SPPL2C: variants seen among roughly 807,000 people sequenced by gnomAD.
SPPL2C encodes the protein signal peptide peptidase like 2C.
Under a neutral mutation model 38.8 loss-of-function variants are expected in SPPL2C, and 33 were observed. That is an observed-to-expected ratio of 0.85 (90% CI 0.64 to 1.14). SPPL2C has a LOEUF of 1.14. SPPL2C is among the 50% of genes most tolerant of loss of function. SPPL2C has a pLI of 0.00. For missense variants in SPPL2C, 899 were observed against 904.4 expected (o/e 0.99, Z 0.08); for synonymous variants, 384 against 390.7 (o/e 0.98, Z 0.20).
chr17:45,846,096 C>G lies in SPPL2C; in HGVS notation c.1190C>G (p.Thr397Ser). ...TTTGTCTTCGTCACCCCCTTCTTCACCAAAACCGGTGAGAGCATCATGGCG... is the reference window on the plus strand; with the variant it reads ...TTTGTCTTCGTCACCCCCTTCTTCAGCAAAACCGGTGAGAGCATCATGGCG... ...VFFVFVTPFF[T>S]KTGESIMAQV... The change falls in exon 1 of 1, where the codon ACC becomes AGC. Residue 397 changes from threonine (T) to serine (S), a missense_variant. Physicochemically the swap from Thr to Ser is moderately conservative, Grantham distance 58. Coordinates refer to ENST00000329196, the MANE Select transcript of SPPL2C (RefSeq NM_175882.3). The G allele has an allele frequency of 6.2e-7, 1 of 1,614,214 alleles. No individual in the cohort carries two copies. The highest frequency in any genetic ancestry group is 8.5e-7 in the Non-Finnish European group (1 of 1,180,036).
At position 45,846,806 on chromosome 17, in the gene SPPL2C, C is replaced by T; in HGVS notation, c.1900C>T (p.Leu634=). The T allele has an allele frequency of 6.2e-7, 1 of 1,614,082 alleles. No homozygotes were observed. The highest frequency in any genetic ancestry group is 8.5e-7 in the Non-Finnish European group (1 of 1,179,998). The change falls in exon 1 of 1, where the codon CTG becomes TTG. Residue 634 remains leucine (L), a synonymous_variant. Coordinates refer to ENST00000329196, the MANE Select transcript of SPPL2C (RefSeq NM_175882.3). ...ELMPLMPMAM[L]IPLMPLMPPP... is the part of the protein sequence containing the mutation. ...GATGCCACTGATGCCAATGGCCATGCTGATCCCACTCATGCCCCTGATGCC... is the reference window on the plus strand; with the variant it reads ...GATGCCACTGATGCCAATGGCCATGTTGATCCCACTCATGCCCCTGATGCC...
In SPPL2C at chr17:45,845,856, G is replaced by C; in HGVS notation, c.950G>C (p.Trp317Ser). 6.2e-7 allele frequency: 1 copy of C among 1,605,834 alleles called. No homozygotes were observed. The highest frequency in any genetic ancestry group is 8.5e-7 in the Non-Finnish European group (1 of 1,179,988). The change falls in exon 1 of 1, where the codon TGG becomes TCG. Residue 317 changes from tryptophan (W) to serine (S), a missense_variant. Trp to Ser is a radical substitution (Grantham distance 177, BLOSUM62 -3). Coordinates refer to ENST00000329196, the MANE Select transcript of SPPL2C (RefSeq NM_175882.3). ...TACCAGAGGCCTCCGCACAGCCTCTGGGCCTCTCTGCCGCTGCCTCTGCTG... is the reference window on the plus strand; with the variant it reads ...TACCAGAGGCCTCCGCACAGCCTCTCGGCCTCTCTGCCGCTGCCTCTGCTG... Reference protein sequence around the residue: ...RQYQRPPHSLWASLPLPLLLL... With the variant: ...RQYQRPPHSLSASLPLPLLLL...
chr17:45,846,848 G>T lies in SPPL2C; in HGVS notation c.1942G>T (p.Gly648Cys). The change falls in exon 1 of 1, where the codon GGC becomes TGC. Residue 648 changes from glycine to cysteine, a missense_variant. Transcript: ENST00000329196. ...CCTGATGCCCCCGCCCTCAGAGCTG[G>T]GCCATGTCCATGCCCAGGCCCAGGC... ...MPLMPPPSEL[G>C]HVHAQAQAHE... The T allele has an allele frequency of 1.2e-6, 2 of 1,613,730 alleles. No homozygotes were observed. Among genetic ancestry groups the T allele is most frequent in the Non-Finnish European group, 1.7e-6 (2 of 1,179,952 alleles).
chr17:45,845,911 C>G lies in SPPL2C; in HGVS notation c.1005C>G (p.Ile335Met). 1 of 1,607,504 alleles carries G rather than the reference C, an allele frequency of 6.2e-7. No individual in the cohort carries two copies. Among genetic ancestry groups the G allele is most frequent in the Non-Finnish European group, 8.5e-7 (1 of 1,179,986 alleles). The change falls in exon 1 of 1, where the codon ATC (isoleucine) becomes ATG (methionine). Residue 335 changes from isoleucine (I) to methionine (M), a missense_variant. Physicochemically the swap from Ile to Met is conservative, Grantham distance 10. Transcript: ENST00000329196. ...TGGCGAGCCTGTGCGCAACCGTGAT[C>G]ATCTTCTGGGTGGCCTACCGCAATG... ...LLLASLCATVIIFWVAYRNED... is the reference protein window; with the variant it reads ...LLLASLCATVMIFWVAYRNED...
At position 45,846,476 on chromosome 17, in the gene SPPL2C, C is replaced by G; in HGVS notation, c.1570C>G (p.Leu524Val). Residue 524 changes from leucine (L) to valine (V), a missense_variant, in exon 1 of 1, where the codon CTC (leucine) becomes GTC (valine). Leu to Val is a conservative substitution (Grantham distance 32). Transcript: ENST00000329196. Reference protein sequence around the residue: ...AVAACRQELSLFWTGQGRAKM... With the variant: ...AVAACRQELSVFWTGQGRAKM... Reference sequence around the variant, plus strand: ...GGCTGCCTGCCGCCAAGAGCTCAGCCTCTTCTGGACTGGCCAGGGCAGAGC... The same window carrying G: ...GGCTGCCTGCCGCCAAGAGCTCAGCGTCTTCTGGACTGGCCAGGGCAGAGC... 2 of 1,612,864 alleles carry G rather than the reference C, an allele frequency of 1.2e-6. No homozygotes were observed. The highest frequency in any genetic ancestry group is 2.2e-5 in the South Asian group (2 of 91,092).
In SPPL2C at chr17:45,847,000, T is replaced by C; in HGVS notation, c.*39T>C. ...GGACACACGCCTCTCAAAGGGCTGG[T>C]GGAACATTGCAGAGCAAAGCCATGC... is the stretch of plus-strand genomic sequence containing the variant. On this transcript the variant is annotated 3_prime_UTR_variant, in exon 1 of 1. Transcript: ENST00000329196. The C allele has an allele frequency of 6.6e-7, 1 of 1,508,138 alleles. No individual in the cohort carries two copies. Among genetic ancestry groups the C allele is most frequent in the Non-Finnish European group, 8.8e-7 (1 of 1,133,602 alleles). 93.4% of individuals were successfully genotyped at this position (1,508,138 alleles called of 1,614,324 possible). A position where few individuals can be genotyped will look rare whatever the true frequency, so the allele number is the denominator to read the frequency against.
At position 45,846,947 on chromosome 17, in the gene SPPL2C, C is replaced by T. The variant is rs778787791; in HGVS notation, c.2041C>T (p.Gln681Ter). 1.3e-6 allele frequency: 2 copies of T among 1,565,742 alleles called. No individual in the cohort carries two copies. Among genetic ancestry groups the T allele is most frequent in the Non-Finnish European group, 1.7e-6 (2 of 1,157,686 alleles). Reference protein sequence around the residue: ...GLKVRKSMSTQAPL With the variant: ...GLKVRKSMST ...GAAAGTAAGAAAGAGCATGTCGACC[C>T]AGGCTCCCTTGTGAACTGGAGGCAC... The change falls in exon 1 of 1, where the codon CAG (glutamine) becomes TAG (stop). Residue 681 changes from glutamine to a stop codon, truncating the protein, a stop_gained. Coordinates refer to ENST00000329196, the MANE Select transcript of SPPL2C (RefSeq NM_175882.3). LOFTEE classifies it high-confidence loss of function.
In SPPL2C at chr17:45,845,057, C is replaced by CCG; in HGVS notation, c.151_152insCG (p.Arg51ProfsTer48). ...CAGCTCCGACTACATCACCCTCCCC[C>CCG]GGGACCTGCACCACGCCCCACTCCT... is the stretch of plus-strand genomic sequence containing the variant. On this transcript the variant is annotated frameshift_variant, in exon 1 of 1. Coordinates refer to ENST00000329196, the MANE Select transcript of SPPL2C (RefSeq NM_175882.3). LOFTEE classifies it high-confidence loss of function. The CCG allele has an allele frequency of 6.2e-7, 1 of 1,614,152 alleles. No individual in the cohort carries two copies. Among genetic ancestry groups the CCG allele is most frequent in the Non-Finnish European group, 8.5e-7 (1 of 1,179,996 alleles).
In SPPL2C at chr17:45,846,448, T is replaced by C. The variant is rs1271545080; in HGVS notation, c.1542T>C (p.Ala514=). The C allele has an allele frequency of 1.3e-5, 21 of 1,612,878 alleles. No homozygotes were observed. Among genetic ancestry groups the C allele is most frequent in the Non-Finnish European group, 1.8e-5 (21 of 1,180,042 alleles). The stretch of plus-strand genomic sequence containing the variant: ...CCAGCACCCTGCTCACCAGCCTGGC[T>C]GTGGCTGCCTGCCGCCAAGAGCTCA... ...LVSSTLLTSL[A]VAACRQELSL... Residue 514 remains alanine, a synonymous_variant, in exon 1 of 1, where the codon GCT becomes GCC. Coordinates refer to ENST00000329196, the MANE Select transcript of SPPL2C (RefSeq NM_175882.3).
At position 45,846,409 on chromosome 17, in the gene SPPL2C, G is replaced by T. The variant is rs902465528; in HGVS notation, c.1503G>T (p.Leu501Phe). Residue 501 changes from leucine (L) to phenylalanine (F), a missense_variant, in exon 1 of 1, where the codon TTG (leucine) becomes TTT (phenylalanine). Coordinates refer to ENST00000329196, the MANE Select transcript of SPPL2C (RefSeq NM_175882.3). The stretch of plus-strand genomic sequence containing the variant: ...TCATGCAGATGGGCCAACCTGCCTT[G>T]CTCTACCTAGTGTCCAGCACCCTGC... ...MVLMQMGQPA[L>F]LYLVSSTLLT... The T allele has an allele frequency of 6.2e-7, 1 of 1,613,280 alleles. No homozygotes were observed. Among genetic ancestry groups the T allele is most frequent in the Non-Finnish European group, 8.5e-7 (1 of 1,180,026 alleles).
chr17:45,846,791 A>G lies in SPPL2C; in HGVS notation c.1885A>G (p.Met629Val). The G allele has an allele frequency of 6.2e-7, 1 of 1,614,088 alleles. No individual in the cohort carries two copies. The highest frequency in any genetic ancestry group is 1.7e-5 in the Admixed American group (1 of 60,030). Residue 629 changes from methionine (M) to valine (V), a missense_variant, in exon 1 of 1, where the codon ATG becomes GTG. Coordinates refer to ENST00000329196, the MANE Select transcript of SPPL2C (RefSeq NM_175882.3). ...GGCCTCGGAGGAGCTGATGCCACTG[A>G]TGCCAATGGCCATGCTGATCCCACT... ...PGASEELMPLMPMAMLIPLMP... is the reference protein window; with the variant it reads ...PGASEELMPLVPMAMLIPLMP...
In SPPL2C at chr17:45,845,932, C is replaced by T. The variant is rs775642446; in HGVS notation, c.1026C>T (p.Arg342=). The T allele has an allele frequency of 3.1e-6, 5 of 1,609,014 alleles. No individual in the cohort carries two copies. Among genetic ancestry groups the T allele is most frequent in the Admixed American group, 1.7e-5 (1 of 60,028 alleles). ...ATVIIFWVAY[R]NEDRWAWLLQ... ...TGATCATCTTCTGGGTGGCCTACCGCAATGAGGACCGCTGGGCGTGGCTCC... is the reference window on the plus strand; with the variant it reads ...TGATCATCTTCTGGGTGGCCTACCGTAATGAGGACCGCTGGGCGTGGCTCC... The change falls in exon 1 of 1, where the codon CGC becomes CGT. Residue 342 remains arginine, a synonymous_variant. Coordinates refer to ENST00000329196, the MANE Select transcript of SPPL2C (RefSeq NM_175882.3).
Position 45,845,778 on chromosome 17 carries a change from T to C in SPPL2C, c.872T>C (p.Ile291Thr), listed in dbSNP as rs771209318. ...TIGIFGLGAGIGLYSCLSPLV... is the reference protein window; with the variant it reads ...TIGIFGLGAGTGLYSCLSPLV... ...GGGATCTTTGGCCTGGGTGCTGGCA[T>C]TGGCCTCTACAGCTGCCTGTCACCC... The change falls in exon 1 of 1, where the codon ATT becomes ACT. Residue 291 changes from isoleucine to threonine, a missense_variant. Coordinates refer to ENST00000329196, the MANE Select transcript of SPPL2C (RefSeq NM_175882.3). 26 of 1,611,290 alleles carry C rather than the reference T, an allele frequency of 1.6e-5. 1 individual carries two copies. The South Asian group carries it at 2.6e-4, about 16-fold the overall frequency.
chr17:45,845,185 T>C lies in SPPL2C; in HGVS notation c.279T>C (p.Thr93=). 1.2e-6 allele frequency: 2 copies of C among 1,613,368 alleles called. No individual in the cohort carries two copies. Among genetic ancestry groups the C allele is most frequent in the Non-Finnish European group, 1.7e-6 (2 of 1,179,534 alleles). Residue 93 remains threonine, a synonymous_variant, in exon 1 of 1, where the codon ACT becomes ACC. Coordinates refer to ENST00000329196, the MANE Select transcript of SPPL2C (RefSeq NM_175882.3). ...SPSQRPLRQT[T]AMVMRGNCSF... The stretch of plus-strand genomic sequence containing the variant: ...GCCAGCGGCCCCTCCGCCAGACCAC[T>C]GCCATGGTCATGAGGGGTAACTGCA...
In SPPL2C at chr17:45,845,847, A is replaced by G; in HGVS notation, c.941A>G (p.His314Arg). Residue 314 changes from histidine (H) to arginine (R), a missense_variant, in exon 1 of 1, where the codon CAC (histidine) becomes CGC (arginine). Transcript: ENST00000329196. ...LSLRQYQRPP[H>R]SLWASLPLPL... ...CTGCGGCAATACCAGAGGCCTCCGC[A>G]CAGCCTCTGGGCCTCTCTGCCGCTG... is the stretch of plus-strand genomic sequence containing the variant. 1 of 1,605,940 alleles carries G rather than the reference A, an allele frequency of 6.2e-7. No homozygotes were observed. Among genetic ancestry groups the G allele is most frequent in the East Asian group, 2.2e-5 (1 of 44,866 alleles).
At position 45,845,428 on chromosome 17, in the gene SPPL2C, C is replaced by T. The variant is rs1350410430; in HGVS notation, c.522C>T (p.Ala174=). Residue 174 remains alanine, a synonymous_variant, in exon 1 of 1, where the codon GCC becomes GCT. Transcript: ENST00000329196. Reference sequence around the variant, plus strand: ...GTGGGGAGGCCGTCGTCCGCGTGGCCATGTACGCACCCCCAGAGCCCATCA... The same window carrying T: ...GTGGGGAGGCCGTCGTCCGCGTGGCTATGTACGCACCCCCAGAGCCCATCA... ...HTRGEAVVRV[A]MYAPPEPIID... 5 of 1,612,386 alleles carry T rather than the reference C, an allele frequency of 3.1e-6. No homozygotes were observed. The highest frequency in any genetic ancestry group is 4.2e-6 in the Non-Finnish European group (5 of 1,180,028).
rs2062543859 is a variant in SPPL2C, at chr17:45,846,210, C to T, written c.1304C>T (p.Thr435Ile). 1 of 1,614,104 alleles carries T rather than the reference C, an allele frequency of 6.2e-7. No homozygotes were observed. The highest frequency in any genetic ancestry group is 1.3e-5 in the African/African-American group (1 of 74,938). ...CCCCGGCTAAGAGTCTCCGCCTTGA[C>T]CCTGTGCAGCCAGCCCTTCTCCATC... ...KVPRLRVSAL[T>I]LCSQPFSILG... is the part of the protein sequence containing the mutation. The change falls in exon 1 of 1, where the codon ACC (threonine) becomes ATC (isoleucine). Residue 435 changes from threonine (T) to isoleucine (I), a missense_variant. By Grantham distance (89) the Thr-to-Ile change is moderately conservative. Coordinates refer to ENST00000329196, the MANE Select transcript of SPPL2C (RefSeq NM_175882.3).
chr17:45,844,883 A>T lies in SPPL2C; in HGVS notation c.-24A>T. ...AGGGGTATTGGGCTGCCGCCCGCAG[A>T]TGTTGCAGTAGGAACTGAAGAAGAT... On this transcript the variant is annotated 5_prime_UTR_variant, in exon 1 of 1. The change abolishes an upstream ATG in the 5' untranslated region. Transcript: ENST00000329196. 1 of 1,574,860 alleles carries T rather than the reference A, an allele frequency of 6.3e-7. No individual in the cohort carries two copies. The highest frequency in any genetic ancestry group is 1.2e-5 in the South Asian group (1 of 85,816).
Position 45,845,454 on chromosome 17 carries a change from T to G in SPPL2C, c.548T>G (p.Ile183Ser). 6.2e-7 allele frequency: 1 copy of G among 1,611,130 alleles called. No homozygotes were observed. The highest frequency in any genetic ancestry group is 8.5e-7 in the Non-Finnish European group (1 of 1,179,970). The change falls in exon 1 of 1, where the codon ATC becomes AGC. Residue 183 changes from isoleucine to serine, a missense_variant. By Grantham distance (142) the Ile-to-Ser change is moderately radical (BLOSUM62 -2). Transcript: ENST00000329196. ...ATGTACGCACCCCCAGAGCCCATCA[T>G]CGACTACAACATGCTGGTCATCTTC... Reference protein sequence around the residue: ...VAMYAPPEPIIDYNMLVIFIL... With the variant: ...VAMYAPPEPISDYNMLVIFIL...
Sources: gnomAD v4.1 joint callset for allele counts on GRCh38, gnomAD v4.1.1 for gene constraint, MANE v1.5 for transcripts, NCBI Gene and HGNC (gene_info 2026-07-23, HGNC 2026-07-21) for gene names.